ZNF385D: variants seen among roughly 807,000 people sequenced by gnomAD.
ZNF385D encodes zinc finger protein 385D.
A neutral mutation model predicts 35.8 loss-of-function variants in ZNF385D; 15 were observed. The ratio of observed to expected loss-of-function variants is 0.42; its 90% confidence interval spans 0.28 to 0.64. The LOEUF is 0.64. ZNF385D is among the 30% of genes least tolerant of loss of function. The pLI, the probability that ZNF385D is intolerant of heterozygous loss-of-function variation, is 0.23. For synonymous variants in ZNF385D, 212 were observed against 186.8 expected, an observed-to-expected ratio of 1.13 and a Z score of -1.10; for missense variants, 474 against 494.6, an observed-to-expected ratio of 0.96 and a Z score of 0.39.
At chr3:21,898,150 C>A (rs1250862549) in intron 3 of ZNF385D, among the ~76,000 whole-genome samples, 1 of 151,928 alleles carries the variant, frequency 6.6e-6, no homozygotes, top group African/African-American at 2.4e-5. Flanking sequence ...CTTTTGAGGC[C>A]AATTTATTTT....
chr3:22,241,547 T>G (rs1699493603), intron 2 of ZNF385D, among the ~76,000 whole-genome samples: 1 of 151,288 alleles, frequency 6.6e-6, no homozygotes. Context: ...GACATTTGAG[T>G]TTTGCCTACT....
intron 3 of ZNF385D, among the ~76,000 whole-genome samples, chr3:21,533,532 A>G (rs2061972389): frequency 1.3e-5 from 2 of 152,072 alleles, no homozygotes; most frequent in African/African-American, 4.8e-5. Flanking sequence ...ATAGCTGTGC[A>G]TTTATCATCC....
In ZNF385D at chr3:21,578,545, A is replaced by G. The variant is rs538265475; in HGVS notation, c.166-13861T>C. Among the ~76,000 whole-genome samples the G allele has an allele frequency of 3.8e-3, 584 of 152,268 alleles. 10 individuals are homozygous for G. Among genetic ancestry groups the G allele is most frequent in the African/African-American group, 0.013 (554 of 41,558 alleles). On this transcript the variant is annotated intron_variant, in intron 2 of 7. Transcript: ENST00000281523. ...ATAGGGGGTCTAGTTTTATTCTTCT[A>G]TATATGGATATCCAGTTTTCCCTGT...
intron 2 of ZNF385D, among the ~76,000 whole-genome samples, chr3:22,344,536 C>T (rs191187900): frequency 6.6e-6 from 1 of 152,074 alleles, no homozygotes; most frequent in African/African-American, 2.4e-5. Flanking sequence ...ACTACAGTTG[C>T]ATACCACCAT....
At chr3:21,943,272 G>C (rs1452267899) in intron 3 of ZNF385D, among the ~76,000 whole-genome samples, 1 of 150,846 alleles carries the variant, frequency 6.6e-6, no homozygotes, top group East Asian at 1.9e-4. Context: ...CTCTATATTT[G>C]AATGTGTGTG....
At chr3:22,056,987 G>C (rs920837707) in intron 3 of ZNF385D, among the ~76,000 whole-genome samples, 1 of 152,206 alleles carries the variant, frequency 6.6e-6, no homozygotes, top group African/African-American at 2.4e-5. Flanking sequence ...AGTCTGAAGG[G>C]AAGAGGTTGG....
chr3:21,631,198 A>G (rs2065271261), intron 2 of ZNF385D, among the ~76,000 whole-genome samples: 1 of 152,128 alleles, frequency 6.6e-6, no homozygotes, highest in Admixed American at 6.6e-5. Flanking sequence ...GCTGCACTTC[A>G]GTGGACGGTT....
chr3:22,247,012 C>G (rs942962366), intron 2 of ZNF385D, among the ~76,000 whole-genome samples: 1 of 152,126 alleles, frequency 6.6e-6, no homozygotes, highest in African/African-American at 2.4e-5. Context: ...ACCATATACA[C>G]AAACAACTTC....
Position 22,196,564 on chromosome 3 carries a change from ATTATT to A in ZNF385D, c.107-27534_107-27530del, listed in dbSNP as rs143961903. Reference sequence around the variant, plus strand: ...CTTGTTGATAATATTGTGGTTTATTATTATTTTATTTCTTATCCCAGAGATTACAA... The same window carrying A: ...CTTGTTGATAATATTGTGGTTTATTATTATTTCTTATCCCAGAGATTACAA... On this transcript the variant is annotated intron_variant, in intron 2 of 5. Coordinates refer to the ZNF385D transcript ENST00000494108. Among the ~76,000 whole-genome samples the A allele has an allele frequency of 4.9e-3, 743 of 151,480 alleles. 10 individuals carry two copies. Among genetic ancestry groups the A allele is most frequent in the African/African-American group, 0.017 (690 of 41,328 alleles).
Position 22,218,295 on chromosome 3 carries a change from T to G in ZNF385D, c.107-49260A>C, listed in dbSNP as rs115842812. Among the ~76,000 whole-genome samples, 1,145 of 152,196 alleles carry G rather than the reference T, an allele frequency of 7.5e-3. 11 individuals are homozygous for G. The highest frequency in any genetic ancestry group is 0.026 in the African/African-American group (1,086 of 41,542). On this transcript the variant is annotated intron_variant, in intron 2 of 5. Coordinates refer to the ZNF385D transcript ENST00000494108. Reference sequence around the variant, plus strand: ...TCTTATTCACCTTTGACTAATTGTATCCCTAGTATTTACTTTTATGTATTT... The same window carrying G: ...TCTTATTCACCTTTGACTAATTGTAGCCCTAGTATTTACTTTTATGTATTT...
intron 3 of ZNF385D, among the ~76,000 whole-genome samples, chr3:21,760,216 G>C (rs890255498): frequency 1.3e-5 from 2 of 152,128 alleles, no homozygotes; most frequent in East Asian, 3.9e-4. Flanking sequence ...TGACTCAAAA[G>C]TGTCAGTTCT....
intron 3 of ZNF385D, among the ~76,000 whole-genome samples, chr3:22,152,020 A>G (rs962074589): frequency 6.6e-6 from 1 of 152,000 alleles, no homozygotes; most frequent in Non-Finnish European, 1.5e-5. Flanking sequence ...TCCACCTTCA[A>G]GTAGGGTTCA....
chr3:22,064,571 T>TG (rs2125548442), intron 3 of ZNF385D, among the ~76,000 whole-genome samples: 1 of 151,902 alleles, frequency 6.6e-6, no homozygotes, highest in South Asian at 2.1e-4. Context: ...ATAAAGAAAA[T>TG]GGGGTACATA....
intron 3 of ZNF385D, among the ~76,000 whole-genome samples, chr3:22,105,126 C>A (rs1207170190): frequency 6.6e-6 from 1 of 152,076 alleles, no homozygotes; most frequent in Non-Finnish European, 1.5e-5. Context: ...GTCTAATGTA[C>A]TTATCTATTT....
intron 3 of ZNF385D, among the ~76,000 whole-genome samples, chr3:21,818,358 T>C (rs1010674274): frequency 6.6e-6 from 1 of 152,182 alleles, no homozygotes; most frequent in African/African-American, 2.4e-5. Context: ...AGAGACCTAT[T>C]GACTAAATGC....
intron 3 of ZNF385D, among the ~76,000 whole-genome samples, chr3:21,894,658 G>A (rs1322951939): frequency 6.6e-6 from 1 of 152,038 alleles, no homozygotes; most frequent in Non-Finnish European, 1.5e-5. Context: ...TGGTATATGG[G>A]CTCCCTCCAG....
intron 2 of ZNF385D, among the ~76,000 whole-genome samples, chr3:22,227,114 TATAAC>T (rs1487391162): frequency 6.6e-6 from 1 of 152,076 alleles, no homozygotes; most frequent in African/African-American, 2.4e-5. Flanking sequence ...TATACATTAC[TATAAC>T]ATATTATGAT....
chr3:21,878,747 T>C (rs537543479), intron 3 of ZNF385D, among the ~76,000 whole-genome samples: 29 of 152,198 alleles, frequency 1.9e-4, no homozygotes, highest in Admixed American at 7.2e-4. Context: ...TATTTTCTAT[T>C]GAGAAGATTT....
intron 3 of ZNF385D, among the ~76,000 whole-genome samples, chr3:21,922,138 T>C (rs1700496364): frequency 7.1e-6 from 1 of 141,612 alleles, no homozygotes; most frequent in Non-Finnish European, 1.5e-5. Context: ...AAATCATAGA[T>C]AACATGACAA....
Sources: allele counts gnomAD v4.1 joint callset (sites outside exome capture counted in the v4.1 genomes callset), GRCh38; gene constraint gnomAD v4.1.1; transcripts MANE v1.5; gene names NCBI Gene and HGNC (gene_info 2026-07-23, HGNC 2026-07-21).